The following SMYD3 variants were observed in gnomAD, a reference collection of about 807,000 sequenced individuals.
The protein encoded by SMYD3 is SET and MYND domain containing 3.
In SMYD3, 36 loss-of-function variants were observed where a neutral mutation model predicts 57.7. That is an observed-to-expected ratio of 0.62 (90% CI 0.48 to 0.82). The LOEUF (loss-of-function observed/expected upper bound fraction) is 0.82. Among genes scored for constraint, SMYD3 ranks in the 40% least tolerant of loss-of-function variants. The pLI is 0.00. For synonymous variants in SMYD3, 211 were observed against 195.0 expected (o/e 1.08, Z -0.68); for missense variants, 515 against 538.8 (o/e 0.96, Z 0.44).
intron 1 of SMYD3, among the ~76,000 whole-genome samples, chr1:246,402,743 A>G (rs754797702): frequency 6.6e-6 from 1 of 152,146 alleles, no homozygotes; most frequent in Non-Finnish European, 1.5e-5. Context: ...ACTGCTAAAC[A>G]CCTAAATAAA....
chr1:246,030,516 C>G (rs1275080144), intron 5 of SMYD3, among the ~76,000 whole-genome samples: 2 of 152,062 alleles, frequency 1.3e-5, no homozygotes, highest in African/African-American at 2.4e-5. Context: ...GCTGAATATG[C>G]TCAACTGTAT....
At chr1:245,934,895 G>A (rs1379279400) in intron 5 of SMYD3, among the ~76,000 whole-genome samples, 3 of 152,232 alleles carry the variant, frequency 2.0e-5, no homozygotes, top group Non-Finnish European at 4.4e-5. Context: ...TCACGACTTA[G>A]TCACTAAGCT....
intron 10 of SMYD3, among the ~76,000 whole-genome samples, chr1:245,783,293 A>G (rs530065007): frequency 6.6e-6 from 1 of 152,322 alleles, no homozygotes; most frequent in East Asian, 1.9e-4. Context: ...AGAAGATGCC[A>G]TTTCAGTCAA....
At chr1:246,165,420 T>C (rs1413886372) in intron 5 of SMYD3, among the ~76,000 whole-genome samples, 1 of 152,064 alleles carries the variant, frequency 6.6e-6, no homozygotes, top group Non-Finnish European at 1.5e-5. Flanking sequence ...GTGAAAATAA[T>C]TGAGACTAGA....
chr1:246,018,112 G>A lies in SMYD3; in HGVS notation c.532-88175C>T, dbSNP rs569137827. ...GTGCACTAGGTGTTACAGTTCCCAG[G>A]TCCTCTCAGTGGACACAGCCGGGAA... On this transcript the variant is annotated intron_variant, in intron 5 of 11. Transcript: ENST00000490107. Among the ~76,000 whole-genome samples the A allele has an allele frequency of 2.0e-5, 3 of 152,192 alleles. No homozygotes were observed. In the South Asian group the frequency reaches 6.2e-4, roughly 32 times the overall value.
intron 5 of SMYD3, among the ~76,000 whole-genome samples, chr1:246,123,306 G>A (rs150040977): frequency 2.8e-4 from 42 of 152,196 alleles, no homozygotes; most frequent in African/African-American, 9.6e-4. Flanking sequence ...GGTGGCTCAC[G>A]CCTGTCATCC....
Position 246,473,582 on chromosome 1 carries a change from T to C in SMYD3, c.164+33472A>G, listed in dbSNP as rs529927442. 2.0e-5 allele frequency among the ~76,000 whole-genome samples: 3 copies of C among 152,358 alleles called. No individual in the cohort carries two copies. In the South Asian group the frequency reaches 6.2e-4, roughly 32 times the overall value. ...CCTTGTTGGGTTTCAAAAACACTTT[T>C]TAATGTGCTAAAATTGCCCCCCACC... is the stretch of plus-strand genomic sequence containing the variant. On this transcript the variant is annotated intron_variant, in intron 1 of 11. Coordinates refer to ENST00000490107, the MANE Select transcript of SMYD3 (RefSeq NM_001167740.2).
intron 5 of SMYD3, among the ~76,000 whole-genome samples, chr1:245,973,236 A>G (rs979107446): frequency 2.6e-5 from 4 of 152,252 alleles, no homozygotes; most frequent in Non-Finnish European, 5.9e-5. Context: ...ACACTTAGCT[A>G]AAACAGCCAT....
At chr1:246,023,266 C>A (rs1417548445) in intron 5 of SMYD3, among the ~76,000 whole-genome samples, 2 of 152,080 alleles carry the variant, frequency 1.3e-5, no homozygotes, top group African/African-American at 4.8e-5. Flanking sequence ...CTGAAGGCAC[C>A]GAGGGAGAGC....
At chr1:245,908,368 G>A (rs930362771) in intron 8 of SMYD3, among the ~76,000 whole-genome samples, 30 of 152,162 alleles carry the variant, frequency 2.0e-4, no homozygotes, top group African/African-American at 7.0e-4. Flanking sequence ...TATTATTAGG[G>A]CTAAATAGAC....
At chr1:246,114,741 G>A (rs1375848393) in intron 5 of SMYD3, among the ~76,000 whole-genome samples, 1 of 152,080 alleles carries the variant, frequency 6.6e-6, no homozygotes, top group African/African-American at 2.4e-5. Context: ...AGCAAATCTT[G>A]TGCCTCCGTT....
chr1:245,866,058 T>C (rs2051820394), intron 8 of SMYD3, among the ~76,000 whole-genome samples: 1 of 152,194 alleles, frequency 6.6e-6, no homozygotes, highest in African/African-American at 2.4e-5. Flanking sequence ...GAGACTGTCA[T>C]GTGCCCGTTG....
At chr1:246,506,624 G>C (rs1157736146) in intron 1 of SMYD3, among the ~76,000 whole-genome samples, 2 of 152,102 alleles carry the variant, frequency 1.3e-5, no homozygotes, top group Non-Finnish European at 2.9e-5. Flanking sequence ...CTCTGCAGGG[G>C]AGCCTGATTT....
rs78542389 is a variant in SMYD3, at chr1:245,974,285, C to T, written c.532-44348G>A. ...ACTCCTTAGATGGGAAGATTCATTC[C>T]CATCTGAGAGATGACAGTATTTATT... On this transcript the variant is annotated intron_variant, in intron 5 of 11. Coordinates refer to ENST00000490107, the MANE Select transcript of SMYD3 (RefSeq NM_001167740.2). 3.4e-3 allele frequency among the ~76,000 whole-genome samples: 520 copies of T among 152,268 alleles called. 1 individual carries two copies. The highest frequency in any genetic ancestry group is 0.012 in the African/African-American group (501 of 41,536).
At chr1:245,958,926 G>C (rs2147978827) in intron 5 of SMYD3, among the ~76,000 whole-genome samples, 1 of 152,102 alleles carries the variant, frequency 6.6e-6, no homozygotes, top group African/African-American at 2.4e-5. Context: ...TGGTTTTTTT[G>C]AAACAGAGTT....
chr1:246,070,503 T>C lies in SMYD3; in HGVS notation c.532-140566A>G, dbSNP rs578106871. Among the ~76,000 whole-genome samples the C allele has an allele frequency of 5.9e-5, 9 of 152,298 alleles. No homozygotes were observed. The East Asian group carries it at 1.4e-3, about 23-fold the overall frequency. ...CTTTTTAAAGTGACATCCAAAATGA[T>C]GAAAAGCTTCAGGGTACTACAACAC... On this transcript the variant is annotated intron_variant, in intron 5 of 11. Transcript: ENST00000490107.
At chr1:245,875,133 GGCT>G (rs1409294034) in intron 8 of SMYD3, among the ~76,000 whole-genome samples, 5 of 152,238 alleles carry the variant, frequency 3.3e-5, no homozygotes, top group African/African-American at 1.2e-4. Context: ...ACTCCAGGCT[GGCT>G]CTCAGCCAGA....
Position 245,947,263 on chromosome 1 carries a change from G to C in SMYD3, c.532-17326C>G. 9.6e-6 allele frequency: 4 copies of C among 417,422 alleles called. No homozygotes were observed. The Admixed American group carries it at 1.1e-4, about 11-fold the overall frequency. The allele number at this position is 417,422 out of a possible 1,614,324, so 25.9% of individuals were successfully genotyped here. A position where few individuals can be genotyped will look rare whatever the true frequency, so the allele number is the denominator to read the frequency against. ...CTGCAAAGATAAATCGGCTACAAAA[G>C]AGCAAGTAGCTAAAGGAAGAAACAG... On this transcript the variant is annotated intron_variant, in intron 5 of 11. Transcript: ENST00000490107.
chr1:246,144,071 G>A (rs1307615910), intron 5 of SMYD3, among the ~76,000 whole-genome samples: 1 of 152,128 alleles, frequency 6.6e-6, no homozygotes, highest in Non-Finnish European at 1.5e-5. Flanking sequence ...GTACTTATAA[G>A]CTACTTACTG....
Sources: allele counts gnomAD v4.1 joint callset (sites outside exome capture counted in the v4.1 genomes callset), GRCh38; gene constraint gnomAD v4.1.1; transcripts MANE v1.5; gene names NCBI Gene and HGNC (gene_info 2026-07-23, HGNC 2026-07-21).